ZBED4: variants seen among roughly 807,000 people sequenced by gnomAD.
The protein encoded by ZBED4 is zinc finger BED domain-containing protein 4.
In ZBED4, 4 loss-of-function variants were observed where a neutral mutation model predicts 15.5. The observed-to-expected ratio is 0.26, with a 90% CI of 0.13 to 0.59. The LOEUF (loss-of-function observed/expected upper bound fraction) is 0.59. Among genes scored for constraint, ZBED4 ranks in the 20% least tolerant of loss-of-function variants. The pLI is 0.90. For synonymous variants in ZBED4, 692 were observed against 608.5 expected, an observed-to-expected ratio of 1.14 and a Z score of -2.02; for missense variants, 1,323 against 1,461.8, an observed-to-expected ratio of 0.91 and a Z score of 1.55.
At chr22:49,867,506 A>C (rs1475932449) in intron 1 of ZBED4, among the ~76,000 whole-genome samples, 1 of 152,130 alleles carries the variant, frequency 6.6e-6, no homozygotes, top group East Asian at 1.9e-4. Context: ...GCTTCTCTTC[A>C]TGGGAGTTTT....
Position 49,857,029 on chromosome 22 carries a change from G to C in ZBED4, c.-330+3040G>C, listed in dbSNP as rs549233712. Among the ~76,000 whole-genome samples, 12 of 152,282 alleles carry C rather than the reference G, an allele frequency of 7.9e-5. No homozygotes were observed. In the South Asian group the frequency reaches 2.5e-3, roughly 32 times the overall value. ...TGCAGCCCCCTACCTGATTAGGGTC[G>C]GGAGGACCTGGCCCCCCGCCCTTCC... On this transcript the variant is annotated intron_variant, in intron 1 of 1. Transcript: ENST00000216268.
chr22:49,874,646 T>TA (rs1194613511), intron 1 of ZBED4, among the ~76,000 whole-genome samples: 5 of 142,632 alleles, frequency 3.5e-5, no homozygotes, highest in Non-Finnish European at 7.5e-5. Context: ...GTGCTGGGAT[T>TA]ACAGGCGTGA....
In ZBED4 at chr22:49,885,530, C is replaced by T. The variant is rs1422477720; in HGVS notation, c.1868C>T (p.Ser623Phe). The T allele has an allele frequency of 1.9e-6, 3 of 1,608,048 alleles. No homozygotes were observed. The highest frequency in any genetic ancestry group is 2.6e-6 in the Non-Finnish European group (3 of 1,174,942). ...KTEVSETARP[S>F]SPDTRVPRGT... The stretch of plus-strand genomic sequence containing the variant: ...GAGGTCTCGGAGACGGCTCGGCCCT[C>T]CTCTCCGGACACCCGGGTGCCGCGG... Residue 623 changes from serine to phenylalanine, a missense_variant, in exon 2 of 2, where the codon TCC becomes TTC. By Grantham distance (155) the Ser-to-Phe change is radical (BLOSUM62 -2). Around this residue, in one of 6 missense-constraint regions of ZBED4, gnomAD observed 429 missense variants for 397.9 expected, o/e 1.08. Coordinates refer to ENST00000216268, the MANE Select transcript of ZBED4 (RefSeq NM_014838.3).
intron 1 of ZBED4, among the ~76,000 whole-genome samples, chr22:49,866,985 C>T (rs2060325085): frequency 1.3e-5 from 2 of 152,134 alleles, no homozygotes; most frequent in Non-Finnish European, 2.9e-5. Flanking sequence ...CTAGTGTTTT[C>T]TTTTAGGTGA....
chr22:49,878,572 A>G (rs1365935294), intron 1 of ZBED4, among the ~76,000 whole-genome samples: 3 of 152,214 alleles, frequency 2.0e-5, no homozygotes, highest in East Asian at 1.9e-4. Context: ...ATGAACTTCA[A>G]TCCTTCAGAG....
chr22:49,883,898 G>A lies in ZBED4; in HGVS notation c.236G>A (p.Ser79Asn), dbSNP rs774157207. 2 of 1,608,066 alleles carry A rather than the reference G, an allele frequency of 1.2e-6. No homozygotes were observed. The highest frequency in any genetic ancestry group is 1.1e-5 in the South Asian group (1 of 90,892). ...KPPGKYLSAE[S>N]EDDYGALFSQ... Reference sequence around the variant, plus strand: ...CCGGGGAAGTACTTGTCTGCAGAGAGTGAGGATGACTATGGCGCGCTGTTC... The same window carrying A: ...CCGGGGAAGTACTTGTCTGCAGAGAATGAGGATGACTATGGCGCGCTGTTC... The change falls in exon 2 of 2, where the codon AGT (serine) becomes AAT (asparagine). Residue 79 changes from serine to asparagine, a missense_variant. Around this residue, in one of 6 missense-constraint regions of ZBED4, gnomAD observed 380 missense variants for 413.7 expected, o/e 0.92. Coordinates refer to ENST00000216268, the MANE Select transcript of ZBED4 (RefSeq NM_014838.3).
In ZBED4 at chr22:49,886,823, C is replaced by T. The variant is rs201734765; in HGVS notation, c.3161C>T (p.Pro1054Leu). The change falls in exon 2 of 2, where the codon CCG becomes CTG. Residue 1054 changes from proline (P) to leucine (L), a missense_variant. Around this residue, in one of 6 missense-constraint regions of ZBED4, gnomAD observed 312 missense variants for 410.7 expected, o/e 0.76. Transcript: ENST00000216268. This position sits in a 1 kb window ranked among gnomAD's most constrained non-coding sequence, Gnocchi z 7.7. Reference sequence around the variant, plus strand: ...TCCCACAGGTGTGATGCTGGCTCCCCGTCGAAAGACTCTGCCGCAGAGGAG... The same window carrying T: ...TCCCACAGGTGTGATGCTGGCTCCCTGTCGAAAGACTCTGCCGCAGAGGAG... ...AASHRCDAGS[P>L]SKDSAAEENL... 196 of 1,613,746 alleles carry T rather than the reference C, an allele frequency of 1.2e-4. 1 individual carries two copies. The East Asian group carries it at 3.7e-3, about 30-fold the overall frequency.
chr22:49,885,547 G>A lies in ZBED4; in HGVS notation c.1885G>A (p.Val629Met). The A allele has an allele frequency of 6.2e-7, 1 of 1,605,916 alleles. No homozygotes were observed. The highest frequency in any genetic ancestry group is 8.5e-7 in the Non-Finnish European group (1 of 1,173,244). ...TARPSSPDTR[V>M]PRGTELSGAS... ...TCGGCCCTCCTCTCCGGACACCCGG[G>A]TGCCGCGGGGCACAGAATTATCAGG... The change falls in exon 2 of 2, where the codon GTG becomes ATG. Residue 629 changes from valine (V) to methionine (M), a missense_variant. Physicochemically the swap from Val to Met is conservative, Grantham distance 21. Coordinates refer to ENST00000216268, the MANE Select transcript of ZBED4 (RefSeq NM_014838.3).
intron 1 of ZBED4, among the ~76,000 whole-genome samples, chr22:49,871,140 C>G (rs1194548366): frequency 2.2e-4 from 2 of 9,048 alleles, no homozygotes; most frequent in Non-Finnish European, 4.1e-4. Flanking sequence ...GGGGTTTCAC[C>G]CTGTTGGCCA....
At chr22:49,876,821 C>A (rs974828408) in intron 1 of ZBED4, among the ~76,000 whole-genome samples, 13 of 152,132 alleles carry the variant, frequency 8.5e-5, no homozygotes, top group Non-Finnish European at 1.6e-4. Context: ...AGTGGTATTT[C>A]CATTTACAAA....
At chr22:49,862,980 G>A (rs899124641) in intron 1 of ZBED4, among the ~76,000 whole-genome samples, 2 of 152,064 alleles carry the variant, frequency 1.3e-5, no homozygotes, top group Admixed American at 6.5e-5. Context: ...GGGATTACAG[G>A]TGTGAGCCAC....
At chr22:49,873,090 C>G in intron 1 of ZBED4, among the ~76,000 whole-genome samples, 1 of 152,228 alleles carries the variant, frequency 6.6e-6, no homozygotes. Context: ...CTTGGCCTCC[C>G]AAGGTGCTGG....
At chr22:49,878,045 C>CTGT (rs955023220) in intron 1 of ZBED4, among the ~76,000 whole-genome samples, 3 of 152,018 alleles carry the variant, frequency 2.0e-5, no homozygotes, top group African/African-American at 7.3e-5. Context: ...TGGCTCATGC[C>CTGT]TGTAATCCCA....
chr22:49,871,456 C>G (rs2060347001), intron 1 of ZBED4, among the ~76,000 whole-genome samples: 1 of 151,984 alleles, frequency 6.6e-6, no homozygotes, highest in South Asian at 2.1e-4. Context: ...GCACTCCAGC[C>G]TGGGCGACAG....
chr22:49,887,831 A>G lies in ZBED4; in HGVS notation c.*653A>G, dbSNP rs1432754489. 1 of 167,262 alleles carries G rather than the reference A, an allele frequency of 6.0e-6. No individual in the cohort carries two copies. The highest frequency in any genetic ancestry group is 1.5e-5 in the Non-Finnish European group (1 of 68,136). The allele number at this position is 167,262 out of a possible 1,614,324, so 10.4% of individuals were successfully genotyped here. A position where few individuals can be genotyped will look rare whatever the true frequency, so the allele number is the denominator to read the frequency against. ...TCAGGTTTCTGCATTCAGGCTTTACATGGTCAGTTAACTCAGAGATACCCC... is the reference window on the plus strand; with the variant it reads ...TCAGGTTTCTGCATTCAGGCTTTACGTGGTCAGTTAACTCAGAGATACCCC... On this transcript the variant is annotated 3_prime_UTR_variant, in exon 2 of 2. Coordinates refer to ENST00000216268, the MANE Select transcript of ZBED4 (RefSeq NM_014838.3).
At position 49,874,733 on chromosome 22, in the gene ZBED4, G is replaced by T. The variant is rs1050603069; in HGVS notation, c.-329-8601G>T. On this transcript the variant is annotated intron_variant, in intron 1 of 1. Transcript: ENST00000216268. ...TCTCACTCTGTCGCCAGGCTGGAGG[G>T]CAATGGCTCGATCTCAGCTCACTGC... Among the ~76,000 whole-genome samples, 2 of 135,568 alleles carry T rather than the reference G, an allele frequency of 1.5e-5. 1 individual carries two copies. Among genetic ancestry groups the T allele is most frequent in the Non-Finnish European group, 3.1e-5 (2 of 64,858 alleles). The allele number at this position is 135,568 out of a possible 152,430, so 88.9% of individuals were successfully genotyped here.
chr22:49,880,394 C>T (rs950188790), intron 1 of ZBED4, among the ~76,000 whole-genome samples: 15 of 152,262 alleles, frequency 9.9e-5, no homozygotes, highest in African/African-American at 2.9e-4. Context: ...TAGCTCCCTC[C>T]TCTCCCGCGC....
chr22:49,878,997 T>G (rs1472737354), intron 1 of ZBED4, among the ~76,000 whole-genome samples: 1 of 150,866 alleles, frequency 6.6e-6, no homozygotes, highest in Non-Finnish European at 1.5e-5. Context: ...ACAAAAAAAT[T>G]AGCCGGGTGT....
intron 1 of ZBED4, among the ~76,000 whole-genome samples, chr22:49,859,317 A>G (rs778063495): frequency 1.3e-5 from 2 of 152,096 alleles, no homozygotes; most frequent in Non-Finnish European, 2.9e-5. Context: ...TTCCTTGAGT[A>G]TCAAGGTGGA....
Sources: allele counts gnomAD v4.1 joint callset (sites outside exome capture counted in the v4.1 genomes callset), GRCh38; gene constraint gnomAD v4.1.1; regional missense constraint gnomAD v4.1.1; non-coding constraint Gnocchi (gnomAD v3.1); transcripts MANE v1.5; gene names NCBI Gene and HGNC (gene_info 2026-07-23, HGNC 2026-07-21).